Variants in MIR17HG observed in about 807,000 individuals in gnomAD.
MIR17HG encodes the protein miR-17-92a-1 cluster host gene, also known as MIR17 host gene (non-protein coding).
Position 91,351,812 on chromosome 13 carries a change from A to G in MIR17HG, n.284+1586A>G, listed in dbSNP as rs75267932. On this transcript the variant is annotated intron_variant and non_coding_transcript_variant, in intron 3 of 3. Coordinates refer to ENST00000400282, the Ensembl canonical transcript of MIR17HG. ...GCCGCTCTGTTTAAAGCAATGTGTA[A>G]AGATGAGTTTTTTTAAGCATGGAAT... 7.4e-3 allele frequency: 1,207 copies of G among 162,032 alleles called. 54 individuals are homozygous for G. In the East Asian group the frequency reaches 0.12, roughly 16 times the overall value. The allele number at this position is 162,032 out of a possible 1,614,324, so 10.0% of individuals were successfully genotyped here. A position where few individuals can be genotyped will look rare whatever the true frequency, so the allele number is the denominator to read the frequency against.
chr13:91,348,166 G>GCAGGGCA lies in MIR17HG; in HGVS notation n.140+207_140+208insCAGGGCA, dbSNP rs10630963. 8.1e-5 allele frequency among the ~76,000 whole-genome samples: 11 copies of GCAGGGCA among 136,380 alleles called. No homozygotes were observed. The East Asian group carries it at 1.4e-3, about 17-fold the overall frequency. The allele number at this position is 136,380 out of a possible 152,430, so 89.5% of individuals were successfully genotyped here. A position where few individuals can be genotyped will look rare whatever the true frequency, so the allele number is the denominator to read the frequency against. ...TCGCTCGCCCGCGGGCCGGCGGAGG[G>GCAGGGCA]GGGCAGGGCCGGGGCGGGAGGGTGG... On this transcript the variant is annotated intron_variant and non_coding_transcript_variant, in intron 1 of 3. Coordinates refer to ENST00000400282, the Ensembl canonical transcript of MIR17HG.
chr13:91,352,360 TA>T (rs1320057649), intron 3 of MIR17HG: 1 of 152,116 alleles, frequency 6.6e-6, no homozygotes, highest in Non-Finnish European at 1.5e-5. Context: ...ATAATAGATT[TA>T]AAAGGACCAA....
chr13:91,353,336 C>T, intron 3 of MIR17HG, among the ~76,000 whole-genome samples: 1 of 152,064 alleles, frequency 6.6e-6, no homozygotes, highest in Non-Finnish European at 1.5e-5. Flanking sequence ...AACTAGTATT[C>T]ATTGTGTTCA....
exon 4 of MIR17HG, chr13:91,354,469 T>G (rs1415293792): frequency 1.3e-5 from 2 of 152,220 alleles, no homozygotes; most frequent in African/African-American, 2.4e-5. Context: ...CAGTTTGGTC[T>G]GGCTGTTTGA....
At chr13:91,349,880 C>T (rs1408690202) in intron 2 of MIR17HG, 1 of 152,166 alleles carries the variant, frequency 6.6e-6, no homozygotes, top group Non-Finnish European at 1.5e-5. Flanking sequence ...GTGTTTCTTT[C>T]TTTAGACAAT....
At chr13:91,350,730 C>T (rs757599572) in intron 3 of MIR17HG, 2 of 533,924 alleles carry the variant, frequency 3.7e-6, no homozygotes, top group Non-Finnish European at 7.7e-6. Flanking sequence ...AGTGCAGGGC[C>T]TGCTGATGTT....
intron 3 of MIR17HG, chr13:91,350,737 T>G (rs1275525044): frequency 3.7e-6 from 2 of 533,972 alleles, no homozygotes; most frequent in African/African-American, 3.8e-5. Context: ...GGCCTGCTGA[T>G]GTTGAGTGCT....
intron 3 of MIR17HG, chr13:91,350,465 T>C: frequency 2.5e-6 from 1 of 403,776 alleles, no homozygotes; most frequent in Non-Finnish European, 5.0e-6. Context: ...ATTAAACTAA[T>C]TTTTTCTTCC....
chr13:91,348,484 A>G (rs1260564287), intron 1 of MIR17HG, among the ~76,000 whole-genome samples: 1 of 150,400 alleles, frequency 6.6e-6, no homozygotes, highest in Non-Finnish European at 1.5e-5. Flanking sequence ...CCTGCGCGCC[A>G]GCGGGCGGCG....
rs61754150 is a variant in MIR17HG at position 91,350,320 on chromosome 13, A to G, written n.284+94A>G. 302 of 245,944 alleles carry G rather than the reference A, an allele frequency of 1.2e-3. 2 individuals carry two copies. The highest frequency in any genetic ancestry group is 0.012 in the East Asian group (119 of 10,070). 15.2% of individuals were successfully genotyped at this position (245,944 alleles called of 1,614,324 possible). On this transcript the variant is annotated intron_variant and non_coding_transcript_variant, in intron 3 of 3. Coordinates refer to ENST00000400282, the Ensembl canonical transcript of MIR17HG. ...TTTTGTTTTTTTTCTCTATGTGTCA[A>G]TCCATTTGGGAGAGGCCAGCCATTG...
At chr13:91,349,157 G>A (rs1875146084) in intron 1 of MIR17HG, among the ~76,000 whole-genome samples, 1 of 152,102 alleles carries the variant, frequency 6.6e-6, no homozygotes, top group Non-Finnish European at 1.5e-5. Context: ...GAGCGTGGCG[G>A]GCACTTTGCA....
exon 4 of MIR17HG, chr13:91,354,084 GA>G (rs1429491723): frequency 6.6e-6 from 1 of 152,386 alleles, no homozygotes; most frequent in Non-Finnish European, 1.5e-5. Flanking sequence ...CTGTTTAATT[GA>G]CAGTTTTGCA....
At chr13:91,349,378 C>G (rs1284856382) in intron 1 of MIR17HG, among the ~76,000 whole-genome samples, 1 of 151,848 alleles carries the variant, frequency 6.6e-6, no homozygotes, top group Non-Finnish European at 1.5e-5. Flanking sequence ...AGTCTGTGGG[C>G]TGCTTTTTTT....
chr13:91,350,729 C>A (rs751947279), intron 3 of MIR17HG: 1 of 533,952 alleles, frequency 1.9e-6, no homozygotes, highest in Non-Finnish European at 3.9e-6. Context: ...AAGTGCAGGG[C>A]CTGCTGATGT....
At chr13:91,349,124 T>G (rs1470054428) in intron 1 of MIR17HG, among the ~76,000 whole-genome samples, 1 of 151,964 alleles carries the variant, frequency 6.6e-6, no homozygotes. Context: ...TTGTGCGACA[T>G]GTGCTGCCGG....
chr13:91,348,946 G>C (rs892814190), intron 1 of MIR17HG, among the ~76,000 whole-genome samples: 19 of 149,382 alleles, frequency 1.3e-4, no homozygotes, highest in Non-Finnish European at 2.7e-4. Flanking sequence ...GGACACAAAG[G>C]AGGGGCGGCG....
At chr13:91,351,007 G>A (rs562884140) in intron 3 of MIR17HG, 1 of 528,950 alleles carries the variant, frequency 1.9e-6, no homozygotes, top group Admixed American at 2.0e-5. Flanking sequence ...TACTAATTTT[G>A]TGTACTTTTA....
rs1034074756 is a variant in MIR17HG at position 91,352,721 on chromosome 13, C to T, written n.285-1212C>T. On this transcript the variant is annotated intron_variant and non_coding_transcript_variant, in intron 3 of 3. Transcript: ENST00000400282. ...TTTATAAAATGGAAATCAAATTGTACATTAGCAGAGTTCTTAAGCTTTTTG... is the reference window on the plus strand; with the variant it reads ...TTTATAAAATGGAAATCAAATTGTATATTAGCAGAGTTCTTAAGCTTTTTG... 5.9e-5 allele frequency among the ~76,000 whole-genome samples: 9 copies of T among 152,162 alleles called. No individual in the cohort carries two copies. The highest frequency in any genetic ancestry group is 1.9e-4 in the African/African-American group (8 of 41,438).
chr13:91,352,037 A>T (rs1875343422), intron 3 of MIR17HG: 1 of 153,046 alleles, frequency 6.5e-6, no homozygotes, highest in South Asian at 2.0e-4. Flanking sequence ...AAAAGAACAA[A>T]TGCTAAATAG....
Sources: allele counts gnomAD v4.1 joint callset (sites outside exome capture counted in the v4.1 genomes callset), GRCh38; gene constraint gnomAD v4.1.1; transcripts MANE v1.5; gene names NCBI Gene and HGNC (gene_info 2026-07-23, HGNC 2026-07-21).